STK39: variants seen among roughly 807,000 people sequenced by gnomAD.
The protein encoded by STK39 is STE20/SPS1-related proline-alanine-rich protein kinase.
STK39 carries 20 observed loss-of-function variants against 77.8 expected under a neutral mutation model. That is an observed-to-expected ratio of 0.26 (90% CI 0.18 to 0.37). The LOEUF is 0.37. Among genes scored for constraint, STK39 ranks in the 10% least tolerant of loss-of-function variants. The pLI is 1.00. For synonymous variants in STK39, 246 were observed against 234.1 expected (o/e 1.05, Z -0.47); for missense variants, 479 against 656.5 (o/e 0.73, Z 2.95).
chr2:167,977,206 A>G (rs1413387646), intron 16 of STK39, among the ~76,000 whole-genome samples: 1 of 152,172 alleles, frequency 6.6e-6, no homozygotes, highest in Non-Finnish European at 1.5e-5. Context: ...ATTACCATAA[A>G]ATTGGTATTT....
intron 1 of STK39, among the ~76,000 whole-genome samples, chr2:168,229,642 A>G (rs1169640329): frequency 6.6e-6 from 1 of 152,194 alleles, no homozygotes; most frequent in African/African-American, 2.4e-5. Flanking sequence ...TTAAGCAAAA[A>G]TCTACCTTTA....
chr2:168,209,568 T>C (rs1553541988), intron 1 of STK39, among the ~76,000 whole-genome samples: 1 of 152,028 alleles, frequency 6.6e-6, no homozygotes, highest in Non-Finnish European at 1.5e-5. Context: ...CCCAGCTACT[T>C]ACTCGGTTGG....
intron 17 of STK39, among the ~76,000 whole-genome samples, chr2:167,956,487 C>T (rs1021872673): frequency 1.1e-4 from 16 of 150,214 alleles, no homozygotes; most frequent in South Asian, 4.2e-4. Flanking sequence ...TCACTTGAAC[C>T]GGGGAGGCAG....
intron 16 of STK39, among the ~76,000 whole-genome samples, chr2:167,997,981 T>C (rs1683890510): frequency 1.3e-5 from 2 of 152,226 alleles, no homozygotes; most frequent in Admixed American, 1.3e-4. Flanking sequence ...TAATGGAGGC[T>C]ATACAGTGCT....
chr2:168,209,299 T>C (rs926439163), intron 1 of STK39, among the ~76,000 whole-genome samples: 1 of 152,196 alleles, frequency 6.6e-6, no homozygotes, highest in African/African-American at 2.4e-5. Context: ...CAGAAAAACA[T>C]GTATTTTGGG....
At position 168,140,410 on chromosome 2, in the gene STK39, A is replaced by T; in HGVS notation, c.739-20T>A. On this transcript the variant is annotated intron_variant, in intron 6 of 17. Transcript: ENST00000355999. ...TCTCACCTAAGAAAGAAAGCAGGAA[A>T]AAAACACAATCATACAGCAGGCATG... is the stretch of plus-strand genomic sequence containing the variant. 1 of 1,599,436 alleles carries T rather than the reference A, an allele frequency of 6.3e-7. No individual in the cohort carries two copies. Among genetic ancestry groups the T allele is most frequent in the South Asian group, 1.1e-5 (1 of 90,788 alleles).
chr2:168,086,888 A>C (rs1187431743), intron 10 of STK39, among the ~76,000 whole-genome samples: 2 of 152,230 alleles, frequency 1.3e-5, no homozygotes, highest in African/African-American at 4.8e-5. Flanking sequence ...ATTCTGCATC[A>C]GTCCTATCAA....
At chr2:168,074,802 T>G (rs899804156) in intron 12 of STK39, among the ~76,000 whole-genome samples, 180 bp downstream of exon 12, 9 of 152,188 alleles carry the variant, frequency 5.9e-5, no homozygotes, top group African/African-American at 2.2e-4. Context: ...CAAAGTAATT[T>G]GCCCCGATTT....
intron 13 of STK39, 145 bp from the exon 14 acceptor site, chr2:168,063,715 G>A (rs567308174): frequency 9.8e-5 from 62 of 634,298 alleles, no homozygotes; most frequent in South Asian, 7.0e-4. Flanking sequence ...CTTTGGCATC[G>A]TAACACCTCC....
intron 1 of STK39, among the ~76,000 whole-genome samples, chr2:168,208,771 C>T (rs528099847): frequency 3.9e-4 from 60 of 152,326 alleles, no homozygotes; most frequent in African/African-American, 1.3e-3. Flanking sequence ...ATCACTGAGG[C>T]GGGGAAGCCC....
chr2:168,174,719 C>T lies in STK39; in HGVS notation c.321+7259G>A, dbSNP rs553552038. On this transcript the variant is annotated intron_variant, in intron 2 of 17. Coordinates refer to ENST00000355999, the MANE Select transcript of STK39 (RefSeq NM_013233.3). The stretch of plus-strand genomic sequence containing the variant: ...GTCATTAAAAACAGAAATAGATGGC[C>T]GGCCTGGTAGCATGCACCTGTAATG... 1.5e-4 allele frequency among the ~76,000 whole-genome samples: 23 copies of T among 151,120 alleles called. No homozygotes were observed. In the East Asian group the frequency reaches 1.8e-3, roughly 12 times the overall value.
chr2:168,221,718 C>G (rs1473496342), intron 1 of STK39, among the ~76,000 whole-genome samples: 1 of 152,158 alleles, frequency 6.6e-6, no homozygotes, highest in Non-Finnish European at 1.5e-5. Flanking sequence ...CTCCTGCAGA[C>G]TTTCCAAGTT....
At chr2:167,986,730 T>C (rs998816189) in intron 16 of STK39, among the ~76,000 whole-genome samples, 11 of 152,102 alleles carry the variant, frequency 7.2e-5, no homozygotes, top group Admixed American at 3.9e-4. Context: ...AGGAACACCG[T>C]GAGGTCATTA....
intron 1 of STK39, among the ~76,000 whole-genome samples, chr2:168,184,115 A>C (rs1324355362): frequency 6.6e-6 from 1 of 152,228 alleles, no homozygotes; most frequent in Non-Finnish European, 1.5e-5. Context: ...CAAAAACAGG[A>C]AAGAATAAAT....
intron 5 of STK39, among the ~76,000 whole-genome samples, chr2:168,156,980 G>A (rs1215093358): frequency 1.3e-5 from 2 of 152,202 alleles, no homozygotes; most frequent in Admixed American, 6.5e-5. Flanking sequence ...CACTTTATGA[G>A]GGCCAAAGGC....
intron 16 of STK39, among the ~76,000 whole-genome samples, chr2:168,001,783 G>C (rs1684008362): frequency 6.6e-6 from 1 of 152,184 alleles, no homozygotes; most frequent in Non-Finnish European, 1.5e-5. Context: ...GGGACTGGGA[G>C]ACTTGCCTGT....
At chr2:168,006,827 T>A (rs1684144932) in intron 16 of STK39, among the ~76,000 whole-genome samples, 1 of 152,220 alleles carries the variant, frequency 6.6e-6, no homozygotes, top group South Asian at 2.1e-4. Context: ...AAACAGCACA[T>A]TTCATTTCTG....
At position 167,982,780 on chromosome 2, in the gene STK39, T is replaced by C. The variant is rs373868129; in HGVS notation, c.1499-18054A>G. Among the ~76,000 whole-genome samples, 194 of 152,222 alleles carry C rather than the reference T, an allele frequency of 1.3e-3. 3 individuals are homozygous for C. The highest frequency in any genetic ancestry group is 4.1e-3 in the African/African-American group (171 of 41,532). On this transcript the variant is annotated intron_variant, in intron 16 of 17. Transcript: ENST00000355999. ...AGCACTTTTTCAGAAGCTGCTATTT[T>C]CCCCCCACAAAGATGAAGATAGGTA...
At chr2:168,004,863 T>C (rs930832747) in intron 16 of STK39, among the ~76,000 whole-genome samples, 14 of 152,138 alleles carry the variant, frequency 9.2e-5, no homozygotes, top group Middle Eastern at 3.4e-3. Context: ...CAGCTGATGC[T>C]ATATTTCTGG....
Sources: gnomAD v4.1 joint callset for allele counts (sites outside exome capture counted in the v4.1 genomes callset) on GRCh38, gnomAD v4.1.1 for gene constraint, MANE v1.5 for transcripts, NCBI Gene and HGNC (gene_info 2026-07-23, HGNC 2026-07-21) for gene names.